CNTN5: variants seen among roughly 807,000 people sequenced by gnomAD.
The protein encoded by CNTN5 is contactin-5.
A neutral mutation model predicts 129.1 loss-of-function variants in CNTN5; 77 were observed. The ratio of observed to expected loss-of-function variants is 0.60; its 90% CI spans 0.50 to 0.72. CNTN5 has a LOEUF of 0.72. Ranked by LOEUF, CNTN5 falls within the 30% of genes least tolerant of loss-of-function variation. The pLI, the probability that CNTN5 is intolerant of heterozygous loss-of-function variation, is 0.00. For synonymous variants in CNTN5, 509 were observed against 465.6 expected (o/e 1.09, Z -1.20); for missense variants, 1,478 against 1,328.8 (o/e 1.11, Z -1.75).
intron 15 of CNTN5, among the ~76,000 whole-genome samples, chr11:100,196,043 T>C (rs1336400412): frequency 6.6e-6 from 1 of 151,854 alleles, no homozygotes; most frequent in Non-Finnish European, 1.5e-5. Flanking sequence ...GAGAGCCAAG[T>C]GGGGTGACTC....
chr11:99,434,379 C>T (rs896040836), intron 2 of CNTN5, among the ~76,000 whole-genome samples: 8 of 152,084 alleles, frequency 5.3e-5, no homozygotes, highest in Non-Finnish European at 1.0e-4. Flanking sequence ...AATTGACTGA[C>T]TTGAGATTCG....
chr11:99,356,948 A>G (rs1326023651), intron 2 of CNTN5, among the ~76,000 whole-genome samples: 1 of 152,230 alleles, frequency 6.6e-6, no homozygotes, highest in Non-Finnish European at 1.5e-5. Context: ...AAACATGTGT[A>G]TATAACACCA....
At chr11:99,420,956 C>T (rs1369065343) in intron 2 of CNTN5, among the ~76,000 whole-genome samples, 3 of 152,128 alleles carry the variant, frequency 2.0e-5, no homozygotes, top group South Asian at 4.1e-4. Context: ...CACAGCTTCT[C>T]GGAAGCATGG....
At chr11:99,208,240 C>A (rs1859580386) in intron 1 of CNTN5, among the ~76,000 whole-genome samples, 1 of 152,010 alleles carries the variant, frequency 6.6e-6, no homozygotes, top group Admixed American at 6.6e-5. Context: ...AGGGAGTAAT[C>A]CAATGAGTTT....
intron 3 of CNTN5, among the ~76,000 whole-genome samples, chr11:99,565,141 T>G (rs1204247312): frequency 1.3e-5 from 2 of 152,184 alleles, no homozygotes; most frequent in Non-Finnish European, 2.9e-5. Context: ...TGCTTTGTCA[T>G]GCTGAGCACT....
At chr11:100,258,505 A>ACC (rs1950125910) in intron 17 of CNTN5, among the ~76,000 whole-genome samples, 1 of 152,204 alleles carries the variant, frequency 6.6e-6, no homozygotes, top group Non-Finnish European at 1.5e-5. Flanking sequence ...CCAAGGTTGA[A>ACC]ATGAAGGAAA....
chr11:99,832,178 T>C (rs540024107), intron 4 of CNTN5, among the ~76,000 whole-genome samples: 8 of 152,148 alleles, frequency 5.3e-5, no homozygotes, highest in South Asian at 2.1e-4. Flanking sequence ...ATCATTTCCA[T>C]AGTCTAAAAA....
intron 1 of CNTN5, among the ~76,000 whole-genome samples, chr11:99,106,357 G>A (rs1866993879): frequency 6.6e-6 from 1 of 152,012 alleles, no homozygotes. Flanking sequence ...TAGAGTAAGA[G>A]AACATGTTAA....
At chr11:99,095,098 C>T (rs573529534) in intron 1 of CNTN5, among the ~76,000 whole-genome samples, 1 of 151,876 alleles carries the variant, frequency 6.6e-6, no homozygotes, top group African/African-American at 2.4e-5. Flanking sequence ...TTGTCATCGA[C>T]ATTAGGTATT....
At chr11:99,130,039 G>A (rs1222062828) in intron 1 of CNTN5, among the ~76,000 whole-genome samples, 1 of 152,170 alleles carries the variant, frequency 6.6e-6, no homozygotes, top group African/African-American at 2.4e-5. Context: ...ACAACACTAT[G>A]AAGCAATTAC....
At chr11:100,352,311 A>G (rs1952435367) in intron 24 of CNTN5, among the ~76,000 whole-genome samples, 1 of 151,758 alleles carries the variant, frequency 6.6e-6, no homozygotes, top group South Asian at 2.1e-4. Flanking sequence ...ATAATTGATA[A>G]GATTTGCATA....
chr11:99,581,578 G>A (rs1311677282), intron 3 of CNTN5, among the ~76,000 whole-genome samples: 30 of 151,762 alleles, frequency 2.0e-4, no homozygotes, highest in Middle Eastern at 3.4e-3. Context: ...TCCCTTTACC[G>A]TTATGTAATG....
chr11:100,156,789 G>GTATT (rs1367611625), intron 13 of CNTN5, among the ~76,000 whole-genome samples: 1 of 152,034 alleles, frequency 6.6e-6, no homozygotes, highest in African/African-American at 2.4e-5. Context: ...TTGCCTAGAG[G>GTATT]TATTTATAGA....
At chr11:99,229,105 C>T (rs945209295) in intron 1 of CNTN5, among the ~76,000 whole-genome samples, 2 of 151,920 alleles carry the variant, frequency 1.3e-5, no homozygotes, top group Non-Finnish European at 2.9e-5. Flanking sequence ...CGTTCTTCCA[C>T]GTATGAAGTG....
chr11:100,196,810 T>C (rs1948650559), intron 15 of CNTN5, among the ~76,000 whole-genome samples: 2 of 151,982 alleles, frequency 1.3e-5, no homozygotes, highest in South Asian at 4.1e-4. Context: ...CCAAATCCTT[T>C]TTTTTGGCAA....
intron 3 of CNTN5, among the ~76,000 whole-genome samples, chr11:99,790,659 A>G (rs911440917): frequency 6.6e-6 from 1 of 152,042 alleles, no homozygotes; most frequent in African/African-American, 2.4e-5. Context: ...TTATGGTAGA[A>G]TGATTTAGAT....
At chr11:99,892,825 C>G (rs933983319) in intron 6 of CNTN5, among the ~76,000 whole-genome samples, 1 of 151,946 alleles carries the variant, frequency 6.6e-6, no homozygotes, top group African/African-American at 2.4e-5. Context: ...TTTTTTGGTT[C>G]CATATGAAGT....
intron 21 of CNTN5, chr11:100,337,275 G>A: frequency 7.7e-7 from 1 of 1,302,794 alleles, no homozygotes; most frequent in Non-Finnish European, 1.1e-6. Context: ...AAAAGAGCCT[G>A]GTAGCCTTTA....
intron 3 of CNTN5, among the ~76,000 whole-genome samples, chr11:99,567,701 A>C (rs967285831): frequency 6.6e-6 from 1 of 152,246 alleles, no homozygotes; most frequent in African/African-American, 2.4e-5. Context: ...GATCAAATTA[A>C]AATTATGTAT....
Sources: gnomAD v4.1 joint callset for allele counts (sites outside exome capture counted in the v4.1 genomes callset) on GRCh38, gnomAD v4.1.1 for gene constraint, MANE v1.5 for transcripts, NCBI Gene and HGNC (gene_info 2026-07-23, HGNC 2026-07-21) for gene names.